Variants in MDM1 observed in about 807,000 individuals in gnomAD.
The protein encoded by MDM1 is Mdm1 nuclear protein.
In MDM1, 61 loss-of-function variants were observed where a neutral mutation model predicts 89.1. The ratio of observed to expected loss-of-function variants is 0.68; its 90% CI spans 0.56 to 0.85. The LOEUF is 0.85. Among genes scored for constraint, MDM1 ranks in the 40% least tolerant of loss-of-function variants. The pLI, the probability that MDM1 is intolerant of heterozygous loss-of-function variation, is 0.00. For synonymous variants in MDM1, 290 were observed against 294.1 expected (o/e 0.99, Z 0.14); for missense variants, 820 against 846.5 (o/e 0.97, Z 0.39).
chr12:68,322,605 G>A (rs1215897953), intron 5 of MDM1, among the ~76,000 whole-genome samples: 2 of 152,176 alleles, frequency 1.3e-5, no homozygotes, highest in Non-Finnish European at 2.9e-5. Context: ...CTGCACTCCA[G>A]CCTGGGCGAC....
Position 68,331,171 on chromosome 12 carries a change from G to C in MDM1, c.69C>G (p.Ser23=), listed in dbSNP as rs3741808. The part of the protein sequence containing the change: ...RNFLWKKSYL[S]ESCNSSVGRK... ...GCCCCACGGAGGAATTACAAGACTCGGACAAATAAGACTTTTTCCACAGGA... is the reference window on the plus strand; with the variant it reads ...GCCCCACGGAGGAATTACAAGACTCCGACAAATAAGACTTTTTCCACAGGA... Residue 23 remains serine, a synonymous_variant, in exon 2 of 15, where the codon TCC becomes TCG. Coordinates refer to ENST00000682720, the MANE Select transcript of MDM1 (RefSeq NM_001354969.2). 6 of 1,611,450 alleles carry C rather than the reference G, an allele frequency of 3.7e-6. No individual in the cohort carries two copies. In the Admixed American group the frequency reaches 8.3e-5, roughly 22 times the overall value.
At chr12:68,295,997 A>G (rs952130955) in intron 14 of MDM1, among the ~76,000 whole-genome samples, 2 of 152,234 alleles carry the variant, frequency 1.3e-5, no homozygotes, top group Admixed American at 1.3e-4. Flanking sequence ...TTCTAGCTCA[A>G]TGAATTATAA....
Position 68,296,916 on chromosome 12 carries a change from G to A in MDM1, c.2062+7C>T. The A allele has an allele frequency of 6.3e-7, 1 of 1,578,282 alleles. No individual in the cohort carries two copies. Among genetic ancestry groups the A allele is most frequent in the South Asian group, 1.2e-5 (1 of 83,752 alleles). ...CAAACTTTTATGTTATGTGACTACTGAAATACCTTCATCATTAAAGGCTTC... is the reference window on the plus strand; with the variant it reads ...CAAACTTTTATGTTATGTGACTACTAAAATACCTTCATCATTAAAGGCTTC... On this transcript the variant is annotated splice_region_variant and intron_variant, in intron 14 of 14. Transcript: ENST00000682720.
intron 13 of MDM1, among the ~76,000 whole-genome samples, chr12:68,300,256 G>A (rs1179404399): frequency 6.6e-6 from 1 of 152,042 alleles, no homozygotes; most frequent in East Asian, 1.9e-4. Flanking sequence ...AAAACTCACA[G>A]GGCCTATAAA....
rs144670539 is a variant in MDM1 at position 68,302,703 on chromosome 12, G to C, written c.1919C>G (p.Pro640Arg). The stretch of plus-strand genomic sequence containing the variant: ...GTAGGATGGAACATGTGGTGGAGAA[G>C]GCAACTGTCCAGGGGGATTTGTTGG... ...KYPTNPPGQLPSPPHVPSYWH... is the reference protein window; with the variant it reads ...KYPTNPPGQLRSPPHVPSYWH... The change falls in exon 13 of 15, where the codon CCT becomes CGT. Residue 640 changes from proline (P) to arginine (R), a missense_variant. Transcript: ENST00000682720. The C allele has an allele frequency of 8.1e-5, 130 of 1,614,038 alleles. 3 individuals carry two copies. In the Middle Eastern group the frequency reaches 4.5e-3, roughly 55 times the overall value.
chr12:68,329,201 G>A (rs911334260), intron 2 of MDM1, among the ~76,000 whole-genome samples: 1 of 152,176 alleles, frequency 6.6e-6, no homozygotes, highest in Non-Finnish European at 1.5e-5. Flanking sequence ...TATGAGCAGA[G>A]GGATTTTCCT....
At chr12:68,315,309 A>G in intron 9 of MDM1, 44 bp from the exon 10 acceptor site, 1 of 1,559,126 alleles carries the variant, frequency 6.4e-7, no homozygotes, top group Non-Finnish European at 8.7e-7. Context: ...AATAGTTTGC[A>G]CTTTTCTAAT....
Position 68,302,717 on chromosome 12 carries a change from G to A in MDM1, c.1905C>T (p.Pro635=). 6.2e-7 allele frequency: 1 copy of A among 1,614,008 alleles called. No individual in the cohort carries two copies. Among genetic ancestry groups the A allele is most frequent in the Non-Finnish European group, 8.5e-7 (1 of 1,179,970 alleles). ...GTGGTGGAGAAGGCAACTGTCCAGG[G>A]GGATTTGTTGGGTATTTTGGAATTT... ...VSKIPKYPTN[P]PGQLPSPPHV... Residue 635 remains proline, a synonymous_variant, in exon 13 of 15, where the codon CCC becomes CCT. Coordinates refer to ENST00000682720, the MANE Select transcript of MDM1 (RefSeq NM_001354969.2).
chr12:68,302,986 G>GACACCGC, intron 12 of MDM1, 114 bp from the exon 13 acceptor site: 1 of 553,396 alleles, frequency 1.8e-6, no homozygotes, highest in Non-Finnish European at 2.9e-6. Context: ...AGAAATATGA[G>GACACCGC]AGAATTTATG....
In MDM1 at chr12:68,332,300, C is replaced by G; in HGVS notation, c.-55G>C. The G allele has an allele frequency of 6.5e-7, 1 of 1,540,672 alleles. No homozygotes were observed. Among genetic ancestry groups the G allele is most frequent in the Non-Finnish European group, 8.7e-7 (1 of 1,143,938 alleles). On this transcript the variant is annotated 5_prime_UTR_variant, in exon 1 of 15. Transcript: ENST00000682720. ...CGACAGTTAACTGGAGAAAAAGCTCCGAGGGGGCGGGGCGATAACAGTGTT... is the reference window on the plus strand; with the variant it reads ...CGACAGTTAACTGGAGAAAAAGCTCGGAGGGGGCGGGGCGATAACAGTGTT...
At chr12:68,315,984 C>T (rs537487326) in intron 9 of MDM1, 94 bp downstream of exon 9, 86 of 992,546 alleles carry the variant, frequency 8.7e-5, no homozygotes, top group South Asian at 1.5e-4. Flanking sequence ...GACTAGGAGA[C>T]ACATTTTGAG....
Position 68,295,374 on chromosome 12 carries a change from G to T in MDM1, c.2063-8C>A, listed in dbSNP as rs543597170. 3.2e-6 allele frequency: 5 copies of T among 1,568,422 alleles called. No homozygotes were observed. In the South Asian group the frequency reaches 3.4e-5, roughly 11 times the overall value. ...CAGACAATCTGTCCTCATCTGCAAT[G>T]AAAAAATCCCGAGATTATATTCATT... On this transcript the variant is annotated splice_polypyrimidine_tract_variant and splice_region_variant and intron_variant, in intron 14 of 14. Transcript: ENST00000682720.
chr12:68,332,346 G>A lies in MDM1; in HGVS notation c.-101C>T, dbSNP rs1876985984. ...GTGTTCCCTAGCAAAGCCTCGGCCCGGCGTCCCCGACTACGCGCCGGCGCA... is the reference window on the plus strand; with the variant it reads ...GTGTTCCCTAGCAAAGCCTCGGCCCAGCGTCCCCGACTACGCGCCGGCGCA... On this transcript the variant is annotated 5_prime_UTR_variant, in exon 1 of 15. Coordinates refer to ENST00000682720, the MANE Select transcript of MDM1 (RefSeq NM_001354969.2). 3 of 1,394,966 alleles carry A rather than the reference G, an allele frequency of 2.2e-6. No individual in the cohort carries two copies. Among genetic ancestry groups the A allele is most frequent in the Admixed American group, 5.2e-5 (2 of 38,226 alleles). The allele number at this position is 1,394,966 out of a possible 1,614,324, so 86.4% of individuals were successfully genotyped here. A position where few individuals can be genotyped will look rare whatever the true frequency, so the allele number is the denominator to read the frequency against.
chr12:68,307,549 G>A (rs1019618664), intron 12 of MDM1, among the ~76,000 whole-genome samples: 3 of 152,178 alleles, frequency 2.0e-5, no homozygotes, highest in Non-Finnish European at 4.4e-5. Flanking sequence ...GCTGAGGTGG[G>A]AGGATTGCCT....
chr12:68,328,474 A>G (rs10784706), intron 2 of MDM1, among the ~76,000 whole-genome samples: 152,357 of 152,358 alleles, frequency 1, 76,178 homozygotes, highest in Non-Finnish European at 1. Flanking sequence ...TAAATTGGCA[A>G]CTCCAGAGTT....
chr12:68,318,091 A>G (rs752379858), intron 7 of MDM1, among the ~76,000 whole-genome samples: 4 of 152,224 alleles, frequency 2.6e-5, no homozygotes, highest in Non-Finnish European at 5.9e-5. Context: ...GGTATGCCTG[A>G]GCTAAACATG....
At chr12:68,332,071 C>T in intron 1 of MDM1, 157 bp downstream of exon 1, 2 of 927,454 alleles carry the variant, frequency 2.2e-6, no homozygotes, top group Non-Finnish European at 3.4e-6. Flanking sequence ...TAAGAGGCGG[C>T]GGGCAGATTC....
At chr12:68,319,896 T>A (rs1164781341) in intron 7 of MDM1, among the ~76,000 whole-genome samples, 3 of 152,244 alleles carry the variant, frequency 2.0e-5, no homozygotes, top group Non-Finnish European at 2.9e-5. Flanking sequence ...CATCTTACTA[T>A]GACTTCAGTT....
Position 68,326,987 on chromosome 12 carries a change from T to C in MDM1, c.168A>G (p.Arg56=). ...TCTGTGGGTCATGGTAAGGGACTCT[T>C]CTTTTTGAAATAAAACTTGGCTCTT... ...ITKEPSFISK[R]RVPYHDPQIS... The change falls in exon 3 of 15, where the codon AGA becomes AGG. Residue 56 remains arginine, a synonymous_variant. Coordinates refer to ENST00000682720, the MANE Select transcript of MDM1 (RefSeq NM_001354969.2). The C allele has an allele frequency of 6.2e-7, 1 of 1,603,326 alleles. No homozygotes were observed. The highest frequency in any genetic ancestry group is 1.1e-5 in the South Asian group (1 of 89,748).
Sources: allele counts gnomAD v4.1 joint callset (sites outside exome capture counted in the v4.1 genomes callset), GRCh38; gene constraint gnomAD v4.1.1; transcripts MANE v1.5; gene names NCBI Gene and HGNC (gene_info 2026-07-23, HGNC 2026-07-21).